The following ASIC2 variants were observed in gnomAD, a reference collection of about 807,000 sequenced individuals.
The protein encoded by ASIC2 is acid-sensing ion channel 2.
Under a neutral mutation model 57.3 loss-of-function variants are expected in ASIC2, and 25 were observed. The ratio of observed to expected loss-of-function variants is 0.44; its 90% CI spans 0.32 to 0.61. The LOEUF is 0.61. Among genes scored for constraint, ASIC2 ranks in the 20% least tolerant of loss-of-function variants. The pLI is 0.06. For missense variants in ASIC2, 641 were observed against 738.1 expected (o/e 0.87, Z 1.52); for synonymous variants, 319 against 307.5 (o/e 1.04, Z -0.39).
chr17:33,873,112 A>G (rs1251370118), intron 1 of ASIC2, among the ~76,000 whole-genome samples: 1 of 152,198 alleles, frequency 6.6e-6, no homozygotes, highest in Non-Finnish European at 1.5e-5. Context: ...ACTCTGCCTC[A>G]TCTTTCAGAG....
Position 33,386,086 on chromosome 17 carries a change from C to T in ASIC2, c.556-274019G>A, listed in dbSNP as rs528832241. On this transcript the variant is annotated intron_variant, in intron 1 of 9. Transcript: ENST00000359872. ...ACTATGTCTTATTCACCCCTGTATTCCTAGTATCTATCCAGACTGGCACAA... is the reference window on the plus strand; with the variant it reads ...ACTATGTCTTATTCACCCCTGTATTTCTAGTATCTATCCAGACTGGCACAA... 3.3e-5 allele frequency among the ~76,000 whole-genome samples: 5 copies of T among 152,288 alleles called. No homozygotes were observed. The East Asian group carries it at 9.6e-4, about 29-fold the overall frequency.
At chr17:34,081,674 T>C (rs1045023955) in intron 1 of ASIC2, among the ~76,000 whole-genome samples, 1 of 152,222 alleles carries the variant, frequency 6.6e-6, no homozygotes, top group Non-Finnish European at 1.5e-5. Context: ...ATTTCACAAA[T>C]TATAATTTGC....
intron 1 of ASIC2, among the ~76,000 whole-genome samples, chr17:33,712,725 A>C (rs1909085941): frequency 7.2e-6 from 1 of 138,314 alleles, no homozygotes; most frequent in Non-Finnish European, 1.5e-5. Flanking sequence ...GGCTCACTGC[A>C]AGCTCCGCCT....
chr17:33,868,195 A>G (rs2348155), intron 1 of ASIC2, among the ~76,000 whole-genome samples: 42,753 of 139,648 alleles, frequency 0.31, 6,248 homozygotes, highest in Non-Finnish European at 0.33. Context: ...GTGTGTGTGT[A>G]TGTGTGTGTG....
chr17:33,965,563 T>C (rs1905052166), intron 1 of ASIC2, among the ~76,000 whole-genome samples: 1 of 152,124 alleles, frequency 6.6e-6, no homozygotes, highest in East Asian at 1.9e-4. Flanking sequence ...ATGACAACAA[T>C]AAGCAATGAG....
intron 1 of ASIC2, among the ~76,000 whole-genome samples, chr17:33,874,530 C>T (rs187778981): frequency 1.7e-3 from 255 of 152,366 alleles, no homozygotes; most frequent in African/African-American, 4.9e-3. Context: ...CTCTTGACCT[C>T]GAGCCCCAGT....
chr17:33,900,163 T>G (rs772921113), intron 1 of ASIC2, among the ~76,000 whole-genome samples: 1 of 152,202 alleles, frequency 6.6e-6, no homozygotes, highest in South Asian at 2.1e-4. Context: ...CCGTCACATA[T>G]TAATAAGTAT....
intron 1 of ASIC2, among the ~76,000 whole-genome samples, chr17:34,015,037 A>G (rs965607003): frequency 6.2e-5 from 9 of 146,296 alleles, no homozygotes; most frequent in African/African-American, 2.3e-4. Context: ...GGTGTGCACC[A>G]CCACACTTCG....
chr17:33,028,131 T>C, intron 4 of ASIC2, 111 bp downstream of exon 4: 2 of 1,408,448 alleles, frequency 1.4e-6, no homozygotes, highest in Non-Finnish European at 1.9e-6. Flanking sequence ...CAGAACATCA[T>C]CCTTTTGGAT....
chr17:33,046,945 C>A (rs1286066084), intron 3 of ASIC2, among the ~76,000 whole-genome samples: 1 of 152,354 alleles, frequency 6.6e-6, no homozygotes, highest in East Asian at 1.9e-4. Flanking sequence ...AGGGCAGAAC[C>A]AACCCCGGAG....
intron 3 of ASIC2, among the ~76,000 whole-genome samples, chr17:33,058,927 T>C (rs950586777): frequency 6.6e-6 from 1 of 152,208 alleles, no homozygotes; most frequent in Non-Finnish European, 1.5e-5. Flanking sequence ...ATTATATGTC[T>C]GTTTGATGGA....
At chr17:33,522,968 A>G (rs1914786333) in intron 1 of ASIC2, among the ~76,000 whole-genome samples, 1 of 151,996 alleles carries the variant, frequency 6.6e-6, no homozygotes, top group Non-Finnish European at 1.5e-5. Context: ...AGATCAGCAC[A>G]TGATCAAGCC....
intron 1 of ASIC2, chr17:33,571,998 C>G (rs1356428646): frequency 6.6e-6 from 1 of 152,232 alleles, no homozygotes; most frequent in Non-Finnish European, 1.5e-5. Context: ...AAGATGAAGA[C>G]TGTGCTCTAC....
chr17:33,506,058 G>T (rs1308989126), intron 1 of ASIC2, among the ~76,000 whole-genome samples: 2 of 152,126 alleles, frequency 1.3e-5, no homozygotes, highest in Non-Finnish European at 2.9e-5. Flanking sequence ...TGGGGTTAGG[G>T]CAGAGTCCTA....
chr17:33,312,890 T>A (rs547210726), intron 1 of ASIC2, among the ~76,000 whole-genome samples: 2 of 152,250 alleles, frequency 1.3e-5, no homozygotes, highest in East Asian at 3.9e-4. Context: ...GAGCTGAGAT[T>A]GCACCATTGC....
At chr17:33,665,360 G>A (rs1907437184) in intron 1 of ASIC2, among the ~76,000 whole-genome samples, 2 of 152,150 alleles carry the variant, frequency 1.3e-5, no homozygotes, top group Admixed American at 6.5e-5. Context: ...GCACCGTGAT[G>A]TAAAGCCACA....
intron 1 of ASIC2, among the ~76,000 whole-genome samples, chr17:34,029,262 T>C (rs995721078): frequency 4.6e-5 from 7 of 152,154 alleles, no homozygotes; most frequent in Admixed American, 3.3e-4. Context: ...TAAGGATTTT[T>C]GTCTGTTTTC....
chr17:33,881,030 T>A (rs1914686143), intron 1 of ASIC2, among the ~76,000 whole-genome samples: 1 of 152,212 alleles, frequency 6.6e-6, no homozygotes, highest in African/African-American at 2.4e-5. Flanking sequence ...TCTCAATAGA[T>A]GCAGAAAAGG....
chr17:33,456,351 C>T (rs562576553), intron 1 of ASIC2, among the ~76,000 whole-genome samples: 21 of 152,070 alleles, frequency 1.4e-4, no homozygotes, highest in Admixed American at 7.2e-4. Flanking sequence ...TATCTTCCCT[C>T]CCCACTTCCT....
Sources: gnomAD v4.1 joint callset for allele counts (sites outside exome capture counted in the v4.1 genomes callset) on GRCh38, gnomAD v4.1.1 for gene constraint, MANE v1.5 for transcripts, NCBI Gene and HGNC (gene_info 2026-07-23, HGNC 2026-07-21) for gene names.